The following TANC2 variants were observed in gnomAD, a reference collection of about 807,000 sequenced individuals.
TANC2 encodes tetratricopeptide repeat, ankyrin repeat and coiled-coil containing 2.
In TANC2, 26 loss-of-function variants were observed where a neutral mutation model predicts 210.5. That is an observed-to-expected ratio of 0.12 (90% CI 0.09 to 0.17). TANC2 has a LOEUF of 0.17. TANC2 is among the 10% of genes least tolerant of loss of function. TANC2 has a pLI of 1.00. For missense variants in TANC2, 2,129 were observed against 2,608.9 expected, an observed-to-expected ratio of 0.82 and a Z score of 4.01; for synonymous variants, 931 against 967.1, an observed-to-expected ratio of 0.96 and a Z score of 0.69.
intron 9 of TANC2, among the ~76,000 whole-genome samples, chr17:63,304,879 T>C (rs1257821671): frequency 6.6e-6 from 1 of 152,212 alleles, no homozygotes; most frequent in Non-Finnish European, 1.5e-5. Context: ...ACAGCCAGTG[T>C]GTTCAGCTGT....
intron 7 of TANC2, among the ~76,000 whole-genome samples, chr17:63,223,992 T>TG (rs2042263469): frequency 2.6e-5 from 4 of 152,186 alleles, no homozygotes; most frequent in Non-Finnish European, 5.9e-5. Flanking sequence ...ACAGTGGCAT[T>TG]GCAAAGCCCT....
At chr17:63,048,842 A>G (rs955216421) in intron 2 of TANC2, among the ~76,000 whole-genome samples, 4 of 152,134 alleles carry the variant, frequency 2.6e-5, no homozygotes, top group African/African-American at 9.7e-5. Flanking sequence ...AAAAATAACT[A>G]TTGAGTACTA....
intron 4 of TANC2, among the ~76,000 whole-genome samples, chr17:63,105,807 T>G (rs2037801906): frequency 6.6e-6 from 1 of 151,668 alleles, no homozygotes; most frequent in African/African-American, 2.4e-5. Context: ...CTTATAATAC[T>G]GTGGCATCTG....
At chr17:63,415,797 A>G (rs2048841383) in intron 26 of TANC2, 123 bp downstream of exon 26, 1 of 1,157,444 alleles carries the variant, frequency 8.6e-7, no homozygotes, top group Non-Finnish European at 1.2e-6. Context: ...GTTGTCCTTC[A>G]CAGAGCACTG....
intron 8 of TANC2, among the ~76,000 whole-genome samples, chr17:63,254,916 G>GAAT (rs1328366424): frequency 6.6e-6 from 1 of 151,908 alleles, no homozygotes; most frequent in Non-Finnish European, 1.5e-5. Flanking sequence ...TGTTCATCAG[G>GAAT]AATATTGGCC....
chr17:63,261,569 A>G (rs1166390917), intron 8 of TANC2, among the ~76,000 whole-genome samples: 4 of 152,180 alleles, frequency 2.6e-5, no homozygotes, highest in Non-Finnish European at 4.4e-5. Context: ...AGATGAGGTT[A>G]GTCCCGCCTC....
intron 2 of TANC2, among the ~76,000 whole-genome samples, chr17:63,050,177 C>T (rs765702816): frequency 6.6e-6 from 1 of 151,856 alleles, no homozygotes; most frequent in Non-Finnish European, 1.5e-5. Context: ...CATAACAAGA[C>T]CCCATCTTAA....
intron 2 of TANC2, among the ~76,000 whole-genome samples, chr17:63,051,878 C>CTA (rs575993211): frequency 2.0e-3 from 297 of 152,224 alleles, no homozygotes; most frequent in African/African-American, 6.9e-3. Context: ...GTAGGTTAAG[C>CTA]TATATGTTCT....
intron 8 of TANC2, among the ~76,000 whole-genome samples, chr17:63,251,704 C>G: frequency 6.6e-6 from 1 of 152,104 alleles, no homozygotes; most frequent in Non-Finnish European, 1.5e-5. Context: ...ATCAGGACCC[C>G]AGAGCTATTG....
At chr17:63,360,453 C>T (rs2146945079) in intron 14 of TANC2, among the ~76,000 whole-genome samples, 2 of 152,214 alleles carry the variant, frequency 1.3e-5, no homozygotes, top group Middle Eastern at 3.4e-3. Flanking sequence ...ATGTACCAGA[C>T]ATCTTTTATT....
chr17:63,240,905 T>C (rs1265446164), intron 8 of TANC2, among the ~76,000 whole-genome samples: 1 of 152,206 alleles, frequency 6.6e-6, no homozygotes, highest in Non-Finnish European at 1.5e-5. Context: ...TTGTGTTATG[T>C]GCAGCTATTG....
intron 9 of TANC2, among the ~76,000 whole-genome samples, chr17:63,295,146 C>T (rs2044496650): frequency 6.6e-6 from 1 of 152,098 alleles, no homozygotes; most frequent in Admixed American, 6.5e-5. Context: ...GATAAAAGCC[C>T]TAGGTTTTGA....
chr17:63,264,037 T>G (rs947413913), intron 8 of TANC2, among the ~76,000 whole-genome samples: 6 of 152,196 alleles, frequency 3.9e-5, no homozygotes, highest in Non-Finnish European at 1.5e-5. Flanking sequence ...GCAGTTTGGT[T>G]AGGTTTGGCT....
chr17:63,012,310 C>T (rs1032123935), intron 2 of TANC2, among the ~76,000 whole-genome samples: 2 of 152,060 alleles, frequency 1.3e-5, no homozygotes, highest in Non-Finnish European at 2.9e-5. Flanking sequence ...TGTGAGCCAC[C>T]ATGCCTGGAC....
chr17:63,281,389 G>C (rs534278892), intron 9 of TANC2, among the ~76,000 whole-genome samples: 2 of 152,066 alleles, frequency 1.3e-5, no homozygotes, highest in African/African-American at 2.4e-5. Context: ...AAATGTGTGT[G>C]TAAGCCTTGC....
chr17:63,189,857 T>C (rs2041124775), intron 5 of TANC2, among the ~76,000 whole-genome samples: 1 of 152,222 alleles, frequency 6.6e-6, no homozygotes, highest in South Asian at 2.1e-4. Flanking sequence ...TTTACTACCA[T>C]GTTTTCTTCT....
At chr17:63,305,090 G>A (rs1389710746) in intron 9 of TANC2, among the ~76,000 whole-genome samples, 5 of 152,212 alleles carry the variant, frequency 3.3e-5, no homozygotes, top group African/African-American at 1.2e-4. Context: ...TGCAGCCGTG[G>A]TGCTGGTCAC....
intron 5 of TANC2, among the ~76,000 whole-genome samples, chr17:63,184,515 C>A (rs1310015188): frequency 6.6e-6 from 1 of 152,108 alleles, no homozygotes; most frequent in Admixed American, 6.6e-5. Context: ...ATGTTTTCAG[C>A]AGTTCAGAAG....
At chr17:63,222,261 G>C (rs1369108884) in intron 7 of TANC2, among the ~76,000 whole-genome samples, 1 of 152,064 alleles carries the variant, frequency 6.6e-6, no homozygotes, top group Non-Finnish European at 1.5e-5. Context: ...CACCTTGGGG[G>C]TTAGAATTTC....
Sources: gnomAD v4.1 joint callset for allele counts (sites outside exome capture counted in the v4.1 genomes callset) on GRCh38, gnomAD v4.1.1 for gene constraint, MANE v1.5 for transcripts, NCBI Gene and HGNC (gene_info 2026-07-23, HGNC 2026-07-21) for gene names.